NCAM1: variants seen among roughly 807,000 people sequenced by gnomAD.
The protein encoded by NCAM1 is antigen recognized by monoclonal antibody 5.1H11.
In NCAM1, 14 loss-of-function variants were observed where a neutral mutation model predicts 109.8. That is an observed-to-expected ratio of 0.13 (90% CI 0.08 to 0.20). The LOEUF is 0.20. NCAM1 is among the 10% of genes least tolerant of loss of function. The pLI is 1.00. For missense variants in NCAM1, 774 were observed against 1,109.9 expected (o/e 0.70, Z 4.30); for synonymous variants, 418 against 442.9 (o/e 0.94, Z 0.70).
At position 112,962,501 on chromosome 11, in the gene NCAM1, C is replaced by T. The variant is rs1426124368; in HGVS notation, c.52+837C>T. On this transcript the variant is annotated intron_variant, in intron 1 of 19. Transcript: ENST00000316851. The surrounding 1 kb of genome is among the most constrained non-coding windows in gnomAD (Gnocchi z 5.6). ...GCCGCGTGCCCAGTGTTGCACGGGG[C>T]GGGAGAAGAATGGCAGGTAGCCGCC... Among the ~76,000 whole-genome samples the T allele has an allele frequency of 1.3e-5, 2 of 151,924 alleles. No individual in the cohort carries two copies. The highest frequency in any genetic ancestry group is 4.8e-5 in the African/African-American group (2 of 41,378).
At chr11:113,240,730 C>T in intron 14 of NCAM1, 2 of 1,532,868 alleles carry the variant, frequency 1.3e-6, no homozygotes, top group African/African-American at 1.4e-5. Context: ...TTTTTTCATT[C>T]AGTATCTGTG....
chr11:112,984,782 A>G (rs539441416), intron 1 of NCAM1, among the ~76,000 whole-genome samples: 68 of 151,504 alleles, frequency 4.5e-4, no homozygotes, highest in African/African-American at 1.3e-3. Flanking sequence ...TGTGTTCCTT[A>G]TATATTTTGA....
At chr11:113,021,165 A>G (rs1433436900) in intron 1 of NCAM1, among the ~76,000 whole-genome samples, 2 of 152,224 alleles carry the variant, frequency 1.3e-5, no homozygotes, top group Non-Finnish European at 2.9e-5. Flanking sequence ...AGTGTTTACC[A>G]CATGCCAGGC....
At chr11:113,264,973 C>A (rs1375612057) in intron 17 of NCAM1, 4 of 985,318 alleles carry the variant, frequency 4.1e-6, no homozygotes, top group African/African-American at 1.7e-5. Flanking sequence ...AGTGAGTGCA[C>A]CCCACCTTGC....
chr11:113,199,556 C>T (rs1179240690), intron 1 of NCAM1, among the ~76,000 whole-genome samples: 4 of 147,866 alleles, frequency 2.7e-5, no homozygotes, highest in Non-Finnish European at 4.4e-5. Context: ...TGCAAAAGGC[C>T]AGGCGTCTAA....
intron 1 of NCAM1, among the ~76,000 whole-genome samples, chr11:113,093,310 C>T (rs1363137448): frequency 1.3e-5 from 2 of 152,142 alleles, no homozygotes; most frequent in Non-Finnish European, 2.9e-5. Flanking sequence ...TTCTTTCTGG[C>T]ATCTGGTTTA....
At chr11:113,011,964 TTTCCTTCCTTCCTTCCTTCCTTCCTTCC>T (rs200929273) in intron 1 of NCAM1, among the ~76,000 whole-genome samples, 2 of 114,060 alleles carry the variant, frequency 1.8e-5, no homozygotes, top group African/African-American at 3.5e-5. Context: ...CCTTCTCTCC[TTTCCTTCCTTCCTTCCTTCCTTCCTTCC>T]TTCCTTCCTT....
At chr11:113,011,037 G>A (rs1160034057) in intron 1 of NCAM1, among the ~76,000 whole-genome samples, 1 of 150,482 alleles carries the variant, frequency 6.6e-6, no homozygotes, top group Admixed American at 6.6e-5. Flanking sequence ...ATGTATACAT[G>A]TGCCATGCTG....
intron 1 of NCAM1, among the ~76,000 whole-genome samples, chr11:113,033,098 C>G (rs1952769944): frequency 6.6e-6 from 1 of 152,154 alleles, no homozygotes; most frequent in African/African-American, 2.4e-5. Context: ...TGAACATTTC[C>G]ATTCAGTCAA....
At chr11:113,114,066 G>A (rs1441694496) in intron 1 of NCAM1, among the ~76,000 whole-genome samples, 1 of 152,220 alleles carries the variant, frequency 6.6e-6, no homozygotes, top group Non-Finnish European at 1.5e-5. Flanking sequence ...TTTGCCTGGA[G>A]AGGAAAGTGG....
At chr11:113,024,103 G>A (rs1167102673) in intron 1 of NCAM1, among the ~76,000 whole-genome samples, 2 of 152,208 alleles carry the variant, frequency 1.3e-5, no homozygotes, top group Non-Finnish European at 2.9e-5. Context: ...GTAGGTGAGT[G>A]GGCAAGGTCA....
intron 1 of NCAM1, among the ~76,000 whole-genome samples, chr11:113,091,114 C>T (rs982216173): frequency 6.6e-6 from 1 of 152,140 alleles, no homozygotes; most frequent in African/African-American, 2.4e-5. Flanking sequence ...AGATCCAATC[C>T]ATATCATGGC....
chr11:113,271,090 T>C (rs943302838), intron 18 of NCAM1, among the ~76,000 whole-genome samples: 1 of 151,884 alleles, frequency 6.6e-6, no homozygotes, highest in Non-Finnish European at 1.5e-5. Context: ...TAGAAATGTA[T>C]GTATAGGGGT....
chr11:113,076,027 TCA>T (rs1555086057), intron 1 of NCAM1, among the ~76,000 whole-genome samples: 1 of 152,200 alleles, frequency 6.6e-6, no homozygotes, highest in East Asian at 1.9e-4. Flanking sequence ...ATCAATGTCT[TCA>T]CCATTGGTTC....
At chr11:112,996,648 A>G (rs1555071473) in intron 1 of NCAM1, among the ~76,000 whole-genome samples, 1 of 152,224 alleles carries the variant, frequency 6.6e-6, no homozygotes, top group Non-Finnish European at 1.5e-5. Flanking sequence ...TTTGGACTTC[A>G]GAATGACAGG....
intron 1 of NCAM1, among the ~76,000 whole-genome samples, chr11:113,163,292 C>T (rs72997789): frequency 6.6e-6 from 1 of 152,274 alleles, no homozygotes; most frequent in Non-Finnish European, 1.5e-5. Context: ...CTGAAAAAGT[C>T]TGGAAAAAAA....
intron 1 of NCAM1, among the ~76,000 whole-genome samples, chr11:112,987,412 CAT>C (rs1265133637): frequency 2.0e-5 from 3 of 152,046 alleles, no homozygotes; most frequent in East Asian, 1.9e-4. Context: ...GAGTTGGTCT[CAT>C]GTGTAGCTCA....
chr11:113,027,019 A>G (rs1555077453), intron 1 of NCAM1, among the ~76,000 whole-genome samples: 1 of 152,234 alleles, frequency 6.6e-6, no homozygotes, highest in Non-Finnish European at 1.5e-5. Context: ...GCAGGCTCAC[A>G]GAGAAGGACA....
chr11:113,270,467 C>T, intron 18 of NCAM1, 72 bp downstream of exon 18: 1 of 1,411,796 alleles, frequency 7.1e-7, no homozygotes. Flanking sequence ...AGCTGCACCA[C>T]CCTGCGCCAT....
Sources: allele counts gnomAD v4.1 joint callset (sites outside exome capture counted in the v4.1 genomes callset), GRCh38; gene constraint gnomAD v4.1.1; non-coding constraint Gnocchi (gnomAD v3.1); transcripts MANE v1.5; gene names NCBI Gene and HGNC (gene_info 2026-07-23, HGNC 2026-07-21).